KIF26B: variants seen among roughly 807,000 people sequenced by gnomAD.
KIF26B encodes kinesin family member 26B.
In KIF26B, 63 loss-of-function variants were observed where a neutral mutation model predicts 151.2. The observed-to-expected ratio is 0.42, with a 90% CI of 0.34 to 0.51. The LOEUF (loss-of-function observed/expected upper bound fraction) is 0.51, where lower values mean the gene tolerates loss of function less well. KIF26B is among the 20% of genes least tolerant of loss of function. The pLI is 0.07. For missense variants in KIF26B, 2,813 were observed against 2,913.6 expected, an observed-to-expected ratio of 0.97 and a Z score of 0.79; for synonymous variants, 1,357 against 1,262.1, an observed-to-expected ratio of 1.08 and a Z score of -1.59.
At chr1:245,248,884 T>C (rs557916253) in intron 2 of KIF26B, among the ~76,000 whole-genome samples, 2 of 152,236 alleles carry the variant, frequency 1.3e-5, no homozygotes, top group Non-Finnish European at 2.9e-5. Context: ...GATGTGAATA[T>C]ACTTAATATG....
intron 2 of KIF26B, among the ~76,000 whole-genome samples, chr1:245,303,601 A>G (rs1671484233): frequency 6.6e-6 from 1 of 152,212 alleles, no homozygotes; most frequent in Admixed American, 6.5e-5. Context: ...GGATTTGTTA[A>G]TTGTTTGCAT....
intron 2 of KIF26B, among the ~76,000 whole-genome samples, chr1:245,246,856 G>A (rs562430323): frequency 6.9e-6 from 1 of 144,714 alleles, no homozygotes; most frequent in Admixed American, 7.3e-5. Context: ...AGGCTTGCTT[G>A]TAAGGGCAGA....
intron 3 of KIF26B, among the ~76,000 whole-genome samples, chr1:245,385,249 A>G (rs534387173): frequency 8.9e-4 from 135 of 152,368 alleles, no homozygotes; most frequent in Non-Finnish European, 1.7e-3. Flanking sequence ...ATATCTTGCT[A>G]CCTCTTCTAA....
intron 9 of KIF26B, among the ~76,000 whole-genome samples, chr1:245,616,147 A>C (rs2043588082): frequency 6.6e-6 from 1 of 152,140 alleles, no homozygotes; most frequent in South Asian, 2.1e-4. Flanking sequence ...ACATATAAGT[A>C]GACAGACAAA....
At chr1:245,247,482 G>C (rs1052294866) in intron 2 of KIF26B, among the ~76,000 whole-genome samples, 1 of 152,086 alleles carries the variant, frequency 6.6e-6, no homozygotes, top group African/African-American at 2.4e-5. Flanking sequence ...TAAAATTTGA[G>C]ATGCTTGGAG....
intron 5 of KIF26B, among the ~76,000 whole-genome samples, chr1:245,589,992 C>T (rs377203722): frequency 1.2e-3 from 189 of 152,336 alleles, no homozygotes; most frequent in African/African-American, 4.0e-3. Flanking sequence ...TGCTGACAGA[C>T]GAGTCTGCGT....
intron 3 of KIF26B, among the ~76,000 whole-genome samples, chr1:245,388,598 T>C (rs1424936392): frequency 6.6e-6 from 1 of 152,200 alleles, no homozygotes; most frequent in Non-Finnish European, 1.5e-5. Context: ...TACGTCTGCC[T>C]CCCGCCTTCC....
At chr1:245,470,492 G>A (rs934244462) in intron 4 of KIF26B, among the ~76,000 whole-genome samples, 2 of 152,230 alleles carry the variant, frequency 1.3e-5, no homozygotes, top group Non-Finnish European at 2.9e-5. Context: ...GTGCAGTGGT[G>A]CGATCTCGGC....
intron 5 of KIF26B, among the ~76,000 whole-genome samples, chr1:245,571,027 T>A (rs2043062179): frequency 6.6e-6 from 1 of 152,228 alleles, no homozygotes; most frequent in Non-Finnish European, 1.5e-5. Context: ...TTCTAATCCA[T>A]GTGTTCATCA....
At chr1:245,361,962 G>A (rs1672828602) in intron 2 of KIF26B, among the ~76,000 whole-genome samples, 1 of 151,586 alleles carries the variant, frequency 6.6e-6, no homozygotes. Context: ...CCTTTGTCAG[G>A]CGTTCTGATT....
At chr1:245,219,801 C>G (rs1558350112) in intron 2 of KIF26B, among the ~76,000 whole-genome samples, 1 of 152,166 alleles carries the variant, frequency 6.6e-6, no homozygotes, top group Non-Finnish European at 1.5e-5. Flanking sequence ...TGAGTTTTCA[C>G]CCTGATCACT....
rs531768075 is a variant in KIF26B at position 245,256,817 on chromosome 1, C to T, written c.465+100134C>T. Among the ~76,000 whole-genome samples the T allele has an allele frequency of 2.4e-4, 36 of 152,212 alleles. No homozygotes were observed. In the South Asian group the frequency reaches 5.0e-3, roughly 21 times the overall value. ...ATGAGATACCAACTTGACAGATAGC[C>T]GGCCCCAAAAGAAATAAAAGTATTT... is the stretch of plus-strand genomic sequence containing the variant. On this transcript the variant is annotated intron_variant, in intron 2 of 14. Coordinates refer to ENST00000407071, the MANE Select transcript of KIF26B (RefSeq NM_018012.4).
chr1:245,524,744 T>C (rs1273991516), intron 4 of KIF26B, among the ~76,000 whole-genome samples: 2 of 152,316 alleles, frequency 1.3e-5, no homozygotes, highest in East Asian at 3.9e-4. Context: ...AATTTAATAT[T>C]TTATGTTTTT....
At chr1:245,576,095 T>C (rs2043115822) in intron 5 of KIF26B, among the ~76,000 whole-genome samples, 1 of 152,184 alleles carries the variant, frequency 6.6e-6, no homozygotes, top group African/African-American at 2.4e-5. Flanking sequence ...CAAATGGCTC[T>C]TGAGTGCCCC....
chr1:245,189,746 G>C (rs1341897312), intron 2 of KIF26B, among the ~76,000 whole-genome samples: 3 of 152,250 alleles, frequency 2.0e-5, no homozygotes, highest in Non-Finnish European at 4.4e-5. Flanking sequence ...GTTGAAGGCA[G>C]TCATATTAGT....
intron 2 of KIF26B, among the ~76,000 whole-genome samples, chr1:245,221,267 A>C (rs192936265): frequency 1.7e-3 from 253 of 152,232 alleles, no homozygotes; most frequent in African/African-American, 5.8e-3. Flanking sequence ...GAAGGGAATA[A>C]ATGAGCAAAA....
intron 10 of KIF26B, among the ~76,000 whole-genome samples, chr1:245,677,159 T>A (rs1162459376): frequency 6.6e-6 from 1 of 152,230 alleles, no homozygotes; most frequent in Non-Finnish European, 1.5e-5. Flanking sequence ...GACCTCATAA[T>A]AGGAGGTGTG....
In KIF26B at chr1:245,507,472, C is replaced by T. The variant is rs570068784; in HGVS notation, c.1167-33295C>T. On this transcript the variant is annotated intron_variant, in intron 4 of 14. Coordinates refer to ENST00000407071, the MANE Select transcript of KIF26B (RefSeq NM_018012.4). The stretch of plus-strand genomic sequence containing the variant: ...GACTTGATGGCTGGGCCTTTATACC[C>T]TCACTGCTATCAGTCTTTGGATGTG... Among the ~76,000 whole-genome samples, 79 of 152,362 alleles carry T rather than the reference C, an allele frequency of 5.2e-4. 1 individual carries two copies. The highest frequency in any genetic ancestry group is 1.8e-3 in the African/African-American group (73 of 41,592).
intron 5 of KIF26B, among the ~76,000 whole-genome samples, chr1:245,589,216 T>C (rs561273887): frequency 2.4e-4 from 37 of 152,302 alleles, no homozygotes; most frequent in Admixed American, 1.3e-4. Flanking sequence ...TTCCTCTCCT[T>C]CCTGGAACTA....
Sources: allele counts gnomAD v4.1 joint callset (sites outside exome capture counted in the v4.1 genomes callset), GRCh38; gene constraint gnomAD v4.1.1; transcripts MANE v1.5; gene names NCBI Gene and HGNC (gene_info 2026-07-23, HGNC 2026-07-21).